BLM: variants seen among roughly 807,000 people sequenced by gnomAD.
BLM encodes the protein BLM RecQ like helicase, also known as recQ-like DNA helicase BLM.
A neutral mutation model predicts 135.3 loss-of-function variants in BLM; 95 were observed. The ratio of observed to expected loss-of-function variants is 0.70; its 90% confidence interval spans 0.59 to 0.83. The LOEUF (loss-of-function observed/expected upper bound fraction) is 0.83. BLM is among the 40% of genes least tolerant of loss of function. The pLI is 0.00. For synonymous variants in BLM, 520 were observed against 589.2 expected (o/e 0.88, Z 1.70); for missense variants, 1,518 against 1,663.9 (o/e 0.91, Z 1.53).
chr15:90,734,189 A>G (rs1355064727), intron 1 of BLM, among the ~76,000 whole-genome samples: 1 of 152,204 alleles, frequency 6.6e-6, no homozygotes, highest in East Asian at 1.9e-4. Context: ...CCTAAGGAGA[A>G]CAGTCATATA....
intron 1 of BLM, among the ~76,000 whole-genome samples, chr15:90,729,095 A>C (rs1370232995): frequency 1.3e-5 from 2 of 152,116 alleles, no homozygotes; most frequent in Non-Finnish European, 2.9e-5. Context: ...AGGTCACCTG[A>C]GGTCGGGAGT....
chr15:90,733,117 G>A (rs1895111584), intron 1 of BLM, among the ~76,000 whole-genome samples: 1 of 151,930 alleles, frequency 6.6e-6, no homozygotes, highest in Admixed American at 6.6e-5. Flanking sequence ...AAAAAGATGT[G>A]TATCTTGAAT....
intron 14 of BLM, among the ~76,000 whole-genome samples, chr15:90,788,853 G>A (rs1258879644): frequency 6.6e-6 from 1 of 151,548 alleles, no homozygotes. Flanking sequence ...CACACCTGTA[G>A]TCCCAGCTTC....
chr15:90,802,643 C>T (rs17274074), intron 17 of BLM, among the ~76,000 whole-genome samples: 23,377 of 152,110 alleles, frequency 0.15, 1,908 homozygotes, highest in Non-Finnish European at 0.19. Context: ...AGAAAACTGA[C>T]TGTCAAAAAT....
intron 1 of BLM, among the ~76,000 whole-genome samples, chr15:90,717,983 G>T (rs1220407821): frequency 6.6e-6 from 1 of 152,182 alleles, no homozygotes; most frequent in Non-Finnish European, 1.5e-5. Context: ...GATTGCTTGG[G>T]TTCGAATTCT....
chr15:90,747,985 T>G (rs1179075228), intron 2 of BLM, among the ~76,000 whole-genome samples: 1 of 151,694 alleles, frequency 6.6e-6, no homozygotes, highest in African/African-American at 2.4e-5. Context: ...TTTTTTTTTG[T>G]ATTTTTTAGA....
chr15:90,758,414 G>T (rs896880997), intron 5 of BLM, among the ~76,000 whole-genome samples: 6 of 152,298 alleles, frequency 3.9e-5, no homozygotes, highest in Admixed American at 3.9e-4. Context: ...TTGAACCGGG[G>T]AAACGGAGGT....
intron 7 of BLM, among the ~76,000 whole-genome samples, chr15:90,762,182 G>A (rs1380024944): frequency 6.6e-6 from 1 of 152,160 alleles, no homozygotes; most frequent in Non-Finnish European, 1.5e-5. Flanking sequence ...CCAGAGCTCC[G>A]TGAGTACCTC....
chr15:90,757,253 G>A (rs1337902118), intron 5 of BLM, among the ~76,000 whole-genome samples: 1 of 152,088 alleles, frequency 6.6e-6, no homozygotes, highest in Admixed American at 6.5e-5. Flanking sequence ...ATGTTTGTCT[G>A]TCCTCACTTT....
intron 21 of BLM, among the ~76,000 whole-genome samples, chr15:90,812,231 G>T (rs1317626546): frequency 6.6e-6 from 1 of 152,120 alleles, no homozygotes; most frequent in African/African-American, 2.4e-5. Context: ...ACACCTGGGA[G>T]AATCGACCTC....
chr15:90,769,315 T>C, intron 11 of BLM, 84 bp downstream of exon 11: 1 of 1,537,256 alleles, frequency 6.5e-7, no homozygotes, highest in Non-Finnish European at 9.0e-7. Context: ...AAACCCACAC[T>C]GAGTGAACGA....
At chr15:90,796,578 C>T (rs575236647) in intron 16 of BLM, among the ~76,000 whole-genome samples, 12 of 152,316 alleles carry the variant, frequency 7.9e-5, no homozygotes, top group Admixed American at 5.9e-4. Context: ...CATCCAGCTC[C>T]TGGGCCATAG....
Position 90,751,901 on chromosome 15 carries a change from C to T in BLM, c.914C>T (p.Pro305Leu), listed in dbSNP as rs773421970. ...GATACGGATTTTGTTCCACCTTCTC[C>T]AGAAGAAATTATTTCTGCTTCTTCT... ...DYDTDFVPPS[P>L]EEIISASSSS... Residue 305 changes from proline to leucine, a missense_variant, in exon 4 of 22, where the codon CCA (proline) becomes CTA (leucine). Pro to Leu is a moderately conservative substitution (Grantham distance 98). Transcript: ENST00000355112. 6.2e-7 allele frequency: 1 copy of T among 1,613,132 alleles called. No homozygotes were observed. Among genetic ancestry groups the T allele is most frequent in the Non-Finnish European group, 8.5e-7 (1 of 1,179,230 alleles).
intron 17 of BLM, among the ~76,000 whole-genome samples, chr15:90,802,160 T>C (rs185331020): frequency 1.3e-5 from 2 of 152,348 alleles, no homozygotes; most frequent in African/African-American, 4.8e-5. Flanking sequence ...GTTCTGTTTC[T>C]ATAATGTGGC....
intron 5 of BLM, among the ~76,000 whole-genome samples, chr15:90,759,221 G>T (rs1895895454): frequency 6.6e-6 from 1 of 152,004 alleles, no homozygotes; most frequent in Non-Finnish European, 1.5e-5. Flanking sequence ...GGTTGTTTAT[G>T]ATCTTGTTTT....
Position 90,815,367 on chromosome 15 carries a change from C to A in BLM, c.*88C>A. On this transcript the variant is annotated 3_prime_UTR_variant, in exon 22 of 22. Coordinates refer to ENST00000355112, the MANE Select transcript of BLM (RefSeq NM_000057.4). The surrounding 1 kb of genome is among the most constrained non-coding windows in gnomAD (Gnocchi z 4.6). ...TATAAAGCTGTTATTCTTGTTATAC[C>A]ATTTGAAGTTTTTACTCGTCTCTAT... 2.1e-6 allele frequency: 3 copies of A among 1,439,728 alleles called. No individual in the cohort carries two copies. The highest frequency in any genetic ancestry group is 2.9e-6 in the Non-Finnish European group (3 of 1,033,350). The allele number at this position is 1,439,728 out of a possible 1,614,324, so 89.2% of individuals were successfully genotyped here.
chr15:90,793,958 A>G (rs1461634929), intron 15 of BLM: 8 of 351,840 alleles, frequency 2.3e-5, no homozygotes, highest in Non-Finnish European at 3.6e-5. Context: ...AAAAAAAAAA[A>G]CCTAACATTT....
rs774981125 is a variant in BLM, at chr15:90,747,384, T to C, written c.-4-5T>C. ...CCACTGATTTCTTTTTCCCTCACTTTTTAGGATTATGGCTGCTGTTCCTCA... is the reference window on the plus strand; with the variant it reads ...CCACTGATTTCTTTTTCCCTCACTTCTTAGGATTATGGCTGCTGTTCCTCA... On this transcript the variant is annotated splice_polypyrimidine_tract_variant and splice_region_variant and intron_variant, in intron 1 of 21. Coordinates refer to ENST00000355112, the MANE Select transcript of BLM (RefSeq NM_000057.4). 6.2e-7 allele frequency: 1 copy of C among 1,602,468 alleles called. No individual in the cohort carries two copies. Among genetic ancestry groups the C allele is most frequent in the African/African-American group, 1.3e-5 (1 of 74,772 alleles).
At chr15:90,803,423 T>G (rs748186911) in intron 17 of BLM, 98 bp from the exon 18 acceptor site, 26 of 1,051,812 alleles carry the variant, frequency 2.5e-5, no homozygotes, top group Non-Finnish European at 3.5e-5. Context: ...CTATTCCATC[T>G]GTCCAAACCT....
Sources: gnomAD v4.1 joint callset for allele counts (sites outside exome capture counted in the v4.1 genomes callset) on GRCh38, gnomAD v4.1.1 for gene constraint, Gnocchi (gnomAD v3.1) non-coding constraint, MANE v1.5 for transcripts, NCBI Gene and HGNC (gene_info 2026-07-23, HGNC 2026-07-21) for gene names.